The following DIAPH3 variants were observed in gnomAD, a reference collection of about 807,000 sequenced individuals.
The protein encoded by DIAPH3 is protein diaphanous homolog 3.
DIAPH3 carries 117 observed loss-of-function variants against 144.3 expected under a neutral mutation model. That is an observed-to-expected ratio of 0.81 (90% CI 0.70 to 0.95). The LOEUF is 0.95. Among genes scored for constraint, DIAPH3 ranks in the 40% least tolerant of loss-of-function variants. The pLI is 0.00. For synonymous variants in DIAPH3, 519 were observed against 488.9 expected (o/e 1.06, Z -0.81); for missense variants, 1,421 against 1,412.7 (o/e 1.01, Z -0.09).
chr13:59,672,489 T>C (rs188458526), intron 27 of DIAPH3, among the ~76,000 whole-genome samples: 12 of 152,378 alleles, frequency 7.9e-5, no homozygotes, highest in Non-Finnish European at 1.5e-4. Context: ...TTTGACCTAC[T>C]AAGTAGCTGT....
At chr13:59,735,596 C>T (rs1193218499) in intron 27 of DIAPH3, among the ~76,000 whole-genome samples, 1 of 152,042 alleles carries the variant, frequency 6.6e-6, no homozygotes, top group African/African-American at 2.4e-5. Flanking sequence ...TAACATATAT[C>T]AGGTGTCTAT....
intron 24 of DIAPH3, among the ~76,000 whole-genome samples, chr13:59,814,914 C>A (rs1234355855): frequency 1.3e-5 from 2 of 152,156 alleles, no homozygotes; most frequent in Non-Finnish European, 2.9e-5. Context: ...ATATACCACA[C>A]GTAAGTGAGA....
chr13:59,837,738 A>T (rs948950964), intron 23 of DIAPH3: 1 of 151,524 alleles, frequency 6.6e-6, no homozygotes, highest in African/African-American at 2.4e-5. Flanking sequence ...GTACAAAAAA[A>T]TTTTTGATGA....
chr13:60,156,572 T>A (rs144026911), intron 1 of DIAPH3, among the ~76,000 whole-genome samples: 62 of 152,164 alleles, frequency 4.1e-4, no homozygotes, highest in African/African-American at 1.5e-3. Flanking sequence ...AACTCCAATC[T>A]TCCTTCAGTA....
chr13:59,800,958 A>C (rs1391230761), intron 25 of DIAPH3, among the ~76,000 whole-genome samples: 1 of 152,196 alleles, frequency 6.6e-6, no homozygotes, highest in Non-Finnish European at 1.5e-5. Context: ...ATCAAAAGGC[A>C]CTGTCCTTTT....
At chr13:59,896,308 T>C (rs1223752200) in intron 20 of DIAPH3, among the ~76,000 whole-genome samples, 1 of 152,204 alleles carries the variant, frequency 6.6e-6, no homozygotes, top group Non-Finnish European at 1.5e-5. Flanking sequence ...TAATTACTTG[T>C]CTGCTCTATA....
intron 2 of DIAPH3, among the ~76,000 whole-genome samples, chr13:60,126,047 A>G (rs944552196): frequency 5.9e-5 from 9 of 152,232 alleles, no homozygotes; most frequent in Non-Finnish European, 1.3e-4. Flanking sequence ...CAGTAGGCCA[A>G]TGAATTATTT....
chr13:59,907,679 T>C (rs1379343259), intron 20 of DIAPH3, among the ~76,000 whole-genome samples: 1 of 152,200 alleles, frequency 6.6e-6, no homozygotes, highest in Non-Finnish European at 1.5e-5. Context: ...CCTGATCAAA[T>C]GAGTGCATGT....
chr13:59,738,022 C>A (rs1566242590), intron 27 of DIAPH3, among the ~76,000 whole-genome samples: 1 of 151,882 alleles, frequency 6.6e-6, no homozygotes, highest in Non-Finnish European at 1.5e-5. Flanking sequence ...CAAAAATTAG[C>A]CTGGCATGGT....
At chr13:59,742,413 GT>G (rs2036501433) in intron 27 of DIAPH3, among the ~76,000 whole-genome samples, 1 of 152,082 alleles carries the variant, frequency 6.6e-6, no homozygotes, top group Admixed American at 6.5e-5. Context: ...ATGAAGGCCT[GT>G]TTGTTCAGAT....
At chr13:60,138,024 A>T (rs936515073) in intron 1 of DIAPH3, among the ~76,000 whole-genome samples, 12 of 152,142 alleles carry the variant, frequency 7.9e-5, no homozygotes, top group Admixed American at 4.6e-4. Flanking sequence ...ACGCCTGGCC[A>T]AAAATTTACG....
intron 21 of DIAPH3, among the ~76,000 whole-genome samples, chr13:59,876,918 C>T (rs546602963): frequency 6.6e-6 from 1 of 152,206 alleles, no homozygotes; most frequent in South Asian, 2.1e-4. Context: ...GCCATTCTTG[C>T]TTGCCTCCTT....
At chr13:59,911,500 A>G (rs530476036) in intron 20 of DIAPH3, among the ~76,000 whole-genome samples, 1 of 152,332 alleles carries the variant, frequency 6.6e-6, no homozygotes, top group Non-Finnish European at 1.5e-5. Context: ...GAGAGCAAAA[A>G]AATTATACAT....
chr13:59,937,798 A>C (rs896150549), intron 17 of DIAPH3, among the ~76,000 whole-genome samples: 21 of 151,922 alleles, frequency 1.4e-4, no homozygotes, highest in African/African-American at 5.1e-4. Context: ...TTGTTTTGGG[A>C]GGTGGGGAGG....
intron 20 of DIAPH3, among the ~76,000 whole-genome samples, chr13:59,889,826 G>C (rs547806917): frequency 6.6e-6 from 1 of 151,418 alleles, no homozygotes; most frequent in Non-Finnish European, 1.5e-5. Flanking sequence ...TAGCTCTCTG[G>C]AAAGTAAGAT....
chr13:59,866,108 G>T (rs2043903788), intron 21 of DIAPH3, among the ~76,000 whole-genome samples: 1 of 151,806 alleles, frequency 6.6e-6, no homozygotes, highest in South Asian at 2.1e-4. Flanking sequence ...CATTTTAGAA[G>T]AATACAACCT....
intron 25 of DIAPH3, among the ~76,000 whole-genome samples, chr13:59,785,978 A>G (rs1311931172): frequency 6.6e-6 from 1 of 152,128 alleles, no homozygotes; most frequent in Non-Finnish European, 1.5e-5. Flanking sequence ...TATACTTAGG[A>G]GTACAGACCA....
intron 27 of DIAPH3, among the ~76,000 whole-genome samples, chr13:59,701,048 C>T (rs1390704643): frequency 6.6e-6 from 1 of 152,058 alleles, no homozygotes; most frequent in Non-Finnish European, 1.5e-5. Flanking sequence ...ATTTCTCTTA[C>T]TGTATGTATA....
At chr13:59,921,635 C>T (rs1395904877) in intron 18 of DIAPH3, among the ~76,000 whole-genome samples, 5 of 151,910 alleles carry the variant, frequency 3.3e-5, no homozygotes, top group Non-Finnish European at 7.4e-5. Context: ...ACATTTGCTG[C>T]TTAATTCTAT....
Sources: allele counts gnomAD v4.1 joint callset (sites outside exome capture counted in the v4.1 genomes callset), GRCh38; gene constraint gnomAD v4.1.1; transcripts MANE v1.5; gene names NCBI Gene and HGNC (gene_info 2026-07-23, HGNC 2026-07-21).